The following CTTN variants were observed in gnomAD, a reference collection of about 807,000 sequenced individuals.
The protein encoded by CTTN is cortactin, also known as src substrate cortactin.
CTTN carries 28 observed loss-of-function variants against 84.0 expected under a neutral mutation model. The observed-to-expected ratio is 0.33, with a 90% CI of 0.25 to 0.46. CTTN has a LOEUF of 0.46. Among genes scored for constraint, CTTN ranks in the 20% least tolerant of loss-of-function variants. The pLI is 1.00. For missense variants in CTTN, 641 were observed against 723.8 expected, an observed-to-expected ratio of 0.89 and a Z score of 1.31; for synonymous variants, 301 against 288.8, an observed-to-expected ratio of 1.04 and a Z score of -0.43.
chr11:70,434,094 C>T (rs2058386987), intron 17 of CTTN, among the ~76,000 whole-genome samples: 1 of 152,230 alleles, frequency 6.6e-6, no homozygotes, highest in Admixed American at 6.5e-5. Context: ...AGACCCCATT[C>T]CTGCCTGTCC....
rs372245816 is a variant in CTTN at position 70,435,791 on chromosome 11, C to T, written c.*629C>T. 646 of 1,583,300 alleles carry T rather than the reference C, an allele frequency of 4.1e-4. 1 individual carries two copies. The highest frequency in any genetic ancestry group is 7.4e-4 in the Admixed American group (43 of 58,262). On this transcript the variant is annotated 3_prime_UTR_variant, in exon 18 of 18. Coordinates refer to ENST00000301843, the MANE Select transcript of CTTN (RefSeq NM_005231.4). ...GGTTTTTTTCCTGTGCCCACTCCGG[C>T]TTGTCCTCATCTCTACCCATCCCCT...
intron 17 of CTTN, 63 bp downstream of exon 17, chr11:70,433,781 T>A: frequency 1.0e-6 from 1 of 1,000,270 alleles, no homozygotes. Flanking sequence ...CTCTGCTTGT[T>A]TTCTGAGAAT....
At position 70,420,518 on chromosome 11, in the gene CTTN, C is replaced by G. The variant is rs781629751; in HGVS notation, c.790+8C>G. On this transcript the variant is annotated splice_region_variant and intron_variant, in intron 10 of 17. Transcript: ENST00000301843. The stretch of plus-strand genomic sequence containing the variant: ...TGCATGAATCCCAAAAAGGTACATT[C>G]ACTCTGCCTGTATGCGAGATGGTTT... 6.3e-7 allele frequency: 1 copy of G among 1,596,170 alleles called. No individual in the cohort carries two copies. The highest frequency in any genetic ancestry group is 1.3e-5 in the African/African-American group (1 of 74,562).
chr11:70,422,535 C>T, intron 11 of CTTN: 1 of 1,294,180 alleles, frequency 7.7e-7, no homozygotes, highest in Non-Finnish European at 1.0e-6. Flanking sequence ...GATTGAGCCT[C>T]TTTTTAGCGC....
In CTTN at chr11:70,432,209, C is replaced by T. The variant is rs753321231; in HGVS notation, c.1267-892C>T. 5.9e-4 allele frequency among the ~76,000 whole-genome samples: 90 copies of T among 152,320 alleles called. 1 individual carries two copies. Among genetic ancestry groups the T allele is most frequent in the Non-Finnish European group, 1.8e-4 (12 of 68,028 alleles). On this transcript the variant is annotated intron_variant, in intron 15 of 17. Transcript: ENST00000301843. ...GGATGTGGTAAGTGAGGCCTTGCAGCTTGTCAGGAACCGGCCTCCCCCTCT... is the reference window on the plus strand; with the variant it reads ...GGATGTGGTAAGTGAGGCCTTGCAGTTTGTCAGGAACCGGCCTCCCCCTCT...
At chr11:70,410,489 G>A (rs1158172392) in intron 5 of CTTN, 1 of 153,770 alleles carries the variant, frequency 6.5e-6, no homozygotes, top group African/African-American at 2.4e-5. Flanking sequence ...CTATTCGAGA[G>A]GTCTGGGCAA....
chr11:70,399,755 T>C (rs1246876425), intron 1 of CTTN, among the ~76,000 whole-genome samples: 1 of 152,202 alleles, frequency 6.6e-6, no homozygotes, highest in Admixed American at 6.5e-5. Flanking sequence ...ATTCATTTTC[T>C]GCTGAAGGAA....
At chr11:70,429,373 A>G (rs935625851) in intron 14 of CTTN, among the ~76,000 whole-genome samples, 174 bp downstream of exon 14, 3 of 152,146 alleles carry the variant, frequency 2.0e-5, no homozygotes, top group Admixed American at 6.5e-5. Flanking sequence ...GCAGCCACAC[A>G]TAGGCTGAGT....
At chr11:70,415,538 C>T in intron 6 of CTTN, 125 bp from the exon 7 acceptor site, 1 of 903,496 alleles carries the variant, frequency 1.1e-6, no homozygotes, top group Non-Finnish European at 1.8e-6. Context: ...GCTTAGGAAC[C>T]CAGAGGTCAC....
At position 70,436,089 on chromosome 11, in the gene CTTN, T is replaced by G; in HGVS notation, c.*927T>G. ...GGAAGGAAGGCAGTGCCTGCTCTGC[T>G]GTGAGCCGCCAGGAACCCTCCTCCT... On this transcript the variant is annotated 3_prime_UTR_variant, in exon 18 of 18. Coordinates refer to ENST00000301843, the MANE Select transcript of CTTN (RefSeq NM_005231.4). The G allele has an allele frequency of 7.0e-7, 1 of 1,427,106 alleles. No individual in the cohort carries two copies. Among genetic ancestry groups the G allele is most frequent in the Non-Finnish European group, 9.1e-7 (1 of 1,096,516 alleles). 88.4% of individuals were successfully genotyped at this position (1,427,106 alleles called of 1,614,324 possible).
chr11:70,416,517 C>T (rs1051879732), intron 7 of CTTN, among the ~76,000 whole-genome samples: 9 of 152,206 alleles, frequency 5.9e-5, no homozygotes, highest in African/African-American at 1.9e-4. Context: ...CTGCAACCTG[C>T]GCCTCCTGGG....
chr11:70,412,603 G>A lies in CTTN; in HGVS notation c.292-1939G>A, dbSNP rs1206005433. Among the ~76,000 whole-genome samples the A allele has an allele frequency of 3.3e-5, 5 of 152,210 alleles. No homozygotes were observed. In the South Asian group the frequency reaches 1.0e-3, roughly 32 times the overall value. On this transcript the variant is annotated intron_variant, in intron 5 of 17. Transcript: ENST00000301843. ...GAAGACATTGAGGACAAGCACACGC[G>A]AGAGGAGCCTGGACGGGCTGTCAGG...
chr11:70,432,052 G>A (rs2058358966), intron 15 of CTTN, among the ~76,000 whole-genome samples: 1 of 152,144 alleles, frequency 6.6e-6, no homozygotes, highest in Admixed American at 6.6e-5. Flanking sequence ...GGTAGTTCAG[G>A]AGCCCAGAGA....
At chr11:70,415,110 G>T (rs909443407) in intron 6 of CTTN, among the ~76,000 whole-genome samples, 8 of 152,170 alleles carry the variant, frequency 5.3e-5, no homozygotes, top group Non-Finnish European at 8.8e-5. Context: ...TGGCTCTTTT[G>T]TTTAATAGAG....
At chr11:70,434,137 C>T (rs953545084) in intron 17 of CTTN, among the ~76,000 whole-genome samples, 1 of 152,230 alleles carries the variant, frequency 6.6e-6, no homozygotes, top group South Asian at 2.1e-4. Flanking sequence ...GTGGCCTGCA[C>T]GTTCCCCTGA....
rs199504305 is a variant in CTTN, at chr11:70,407,504, G to A, written c.88-14G>A. On this transcript the variant is annotated splice_polypyrimidine_tract_variant and intron_variant, in intron 3 of 17. Transcript: ENST00000301843. ...ATCCAGGCTGTGAGATTTACTGGTC[G>A]CTTTTCTTTTCAGAATGATGTGAGT... The A allele has an allele frequency of 1.2e-5, 19 of 1,613,876 alleles. No individual in the cohort carries two copies. The highest frequency in any genetic ancestry group is 3.3e-5 in the Admixed American group (2 of 59,988).
At chr11:70,419,175 A>G (rs559061517) in intron 8 of CTTN, among the ~76,000 whole-genome samples, 24 of 150,636 alleles carry the variant, frequency 1.6e-4, no homozygotes, top group African/African-American at 5.9e-4. Context: ...CAGTGGCGCA[A>G]TCTCGGCTCA....
At position 70,424,625 on chromosome 11, in the gene CTTN, G is replaced by T. The variant is rs2058280349; in HGVS notation, c.958-707G>T. Among the ~76,000 whole-genome samples the T allele has an allele frequency of 2.6e-5, 4 of 152,046 alleles. No individual in the cohort carries two copies. The South Asian group carries it at 8.3e-4, about 32-fold the overall frequency. On this transcript the variant is annotated intron_variant, in intron 12 of 17. Coordinates refer to ENST00000301843, the MANE Select transcript of CTTN (RefSeq NM_005231.4). ...GGCTGATGGCCTTGCCTTTGAACAGGTGCAAGCAGCTCAAGGGACATGGAG... is the reference window on the plus strand; with the variant it reads ...GGCTGATGGCCTTGCCTTTGAACAGTTGCAAGCAGCTCAAGGGACATGGAG...
rs148205854 is a variant in CTTN, at chr11:70,405,071, A to C, written c.-97-194A>C. Among the ~76,000 whole-genome samples, 157 of 152,374 alleles carry C rather than the reference A, an allele frequency of 1.0e-3. 1 individual carries two copies. Among genetic ancestry groups the C allele is most frequent in the African/African-American group, 3.5e-3 (145 of 41,598 alleles). On this transcript the variant is annotated intron_variant, in intron 1 of 17. Transcript: ENST00000301843. ...GAAATCTTTTAAAACTTATTTCTTTAGTTTCTCTCTGTTGAACTTTTTTAT... is the reference window on the plus strand; with the variant it reads ...GAAATCTTTTAAAACTTATTTCTTTCGTTTCTCTCTGTTGAACTTTTTTAT...
Sources: allele counts gnomAD v4.1 joint callset (sites outside exome capture counted in the v4.1 genomes callset), GRCh38; gene constraint gnomAD v4.1.1; transcripts MANE v1.5; gene names NCBI Gene and HGNC (gene_info 2026-07-23, HGNC 2026-07-21).